TPR: variants seen among roughly 807,000 people sequenced by gnomAD.
The protein encoded by TPR is nucleoprotein TPR.
Under a neutral mutation model 316.1 loss-of-function variants are expected in TPR, and 51 were observed. The observed-to-expected ratio is 0.16, with a 90% CI of 0.13 to 0.20. TPR has a LOEUF of 0.20. Ranked by LOEUF, TPR falls within the 10% of genes least tolerant of loss-of-function variation. TPR has a pLI of 1.00. For missense variants in TPR, 2,272 were observed against 2,754.8 expected (o/e 0.82, Z 3.92); for synonymous variants, 981 against 914.7 (o/e 1.07, Z -1.31).
chr1:186,314,080 G>C, intron 50 of TPR, 54 bp from the exon 51 acceptor site: 1 of 1,524,548 alleles, frequency 6.6e-7, no homozygotes, highest in Non-Finnish European at 9.0e-7. Context: ...TTCAAAACTA[G>C]TGTATTCACT....
In TPR at chr1:186,312,453, T is replaced by A; in HGVS notation, c.*1518A>T. 1 of 1,301,144 alleles carries A rather than the reference T, an allele frequency of 7.7e-7. No homozygotes were observed. The highest frequency in any genetic ancestry group is 2.3e-4 in the Middle Eastern group (1 of 4,400). 80.6% of individuals were successfully genotyped at this position (1,301,144 alleles called of 1,614,324 possible). Reference sequence around the variant, plus strand: ...TTCTTATACAGTAAGGCTTATGAAATATGGATACTGATCAAACAGCCCTAA... The same window carrying A: ...TTCTTATACAGTAAGGCTTATGAAAAATGGATACTGATCAAACAGCCCTAA... On this transcript the variant is annotated 3_prime_UTR_variant, in exon 51 of 51. Coordinates refer to ENST00000367478, the MANE Select transcript of TPR (RefSeq NM_003292.3).
Position 186,312,119 on chromosome 1 carries a change from T to G in TPR, c.*1852A>C. On this transcript the variant is annotated 3_prime_UTR_variant, in exon 51 of 51. Coordinates refer to ENST00000367478, the MANE Select transcript of TPR (RefSeq NM_003292.3). ...ATTGTAAAAGTTGTTTTCCACCTTTTCTGAGGGTATTAAAATTAATTTTCA... is the reference window on the plus strand; with the variant it reads ...ATTGTAAAAGTTGTTTTCCACCTTTGCTGAGGGTATTAAAATTAATTTTCA... 6.6e-7 allele frequency: 1 copy of G among 1,521,526 alleles called. No individual in the cohort carries two copies. Among genetic ancestry groups the G allele is most frequent in the Non-Finnish European group, 9.1e-7 (1 of 1,099,296 alleles). 94.3% of individuals were successfully genotyped at this position (1,521,526 alleles called of 1,614,324 possible).
At chr1:186,329,988 T>C (rs533959017) in intron 39 of TPR, among the ~76,000 whole-genome samples, 2 of 152,244 alleles carry the variant, frequency 1.3e-5, no homozygotes, top group South Asian at 4.1e-4. Flanking sequence ...TGGGTATCAG[T>C]TTCTGTAACT....
In TPR at chr1:186,353,905, C is replaced by T. The variant is rs538286411; in HGVS notation, c.2172-55G>A. On this transcript the variant is annotated intron_variant, in intron 17 of 50. Transcript: ENST00000367478. Reference sequence around the variant, plus strand: ...ACTGAAATGATATCCTAGCTTAATCCCTTGAAGAAATTTCACAATAGCTTA... The same window carrying T: ...ACTGAAATGATATCCTAGCTTAATCTCTTGAAGAAATTTCACAATAGCTTA... 4.1e-5 allele frequency: 63 copies of T among 1,543,234 alleles called. No homozygotes were observed. The East Asian group carries it at 1.3e-3, about 32-fold the overall frequency.
At chr1:186,355,116 G>A (rs550815006) in intron 17 of TPR, among the ~76,000 whole-genome samples, 4 of 152,108 alleles carry the variant, frequency 2.6e-5, no homozygotes, top group Non-Finnish European at 4.4e-5. Context: ...TGGTGGCCAG[G>A]CTGGTCTTGA....
intron 36 of TPR, among the ~76,000 whole-genome samples, chr1:186,333,724 T>A (rs1658249450): frequency 6.6e-6 from 1 of 152,192 alleles, no homozygotes; most frequent in African/African-American, 2.4e-5. Flanking sequence ...TTAATTGATA[T>A]AACAGATAGT....
Position 186,322,338 on chromosome 1 carries a change from A to G in TPR, c.6441T>C (p.Asp2147=), listed in dbSNP as rs1288425680. The change falls in exon 45 of 51, where the codon GAT becomes GAC. Residue 2147 remains aspartate (D), a synonymous_variant. Coordinates refer to ENST00000367478, the MANE Select transcript of TPR (RefSeq NM_003292.3). ...TPTLVVPHRT[D]GFAEAIHSPQ... Reference sequence around the variant, plus strand: ...CTTACTGAATTGCTTCAGCAAATCCATCAGTACGATGTGGCACCACAAGAG... The same window carrying G: ...CTTACTGAATTGCTTCAGCAAATCCGTCAGTACGATGTGGCACCACAAGAG... 1 of 1,611,720 alleles carries G rather than the reference A, an allele frequency of 6.2e-7. No homozygotes were observed. The highest frequency in any genetic ancestry group is 8.5e-7 in the Non-Finnish European group (1 of 1,179,470).
Position 186,318,621 on chromosome 1 carries a change from A to C in TPR, c.6665-18T>G. On this transcript the variant is annotated intron_variant, in intron 47 of 50. Coordinates refer to ENST00000367478, the MANE Select transcript of TPR (RefSeq NM_003292.3). ...TACAGTCACTTTAAAAAGACAACAC[A>C]AGAAAAAGAACTTTAAAACTTTGTG... 2 of 1,604,278 alleles carry C rather than the reference A, an allele frequency of 1.2e-6. No homozygotes were observed. The highest frequency in any genetic ancestry group is 1.7e-6 in the Non-Finnish European group (2 of 1,177,176).
intron 17 of TPR, 65 bp downstream of exon 17, chr1:186,355,345 T>C (rs1263230534): frequency 6.6e-7 from 1 of 1,523,972 alleles, no homozygotes; most frequent in Non-Finnish European, 8.9e-7. Context: ...CTCTTGAATT[T>C]AAATGATTTG....
chr1:186,337,730 CA>C (rs1658382970), intron 31 of TPR, among the ~76,000 whole-genome samples: 1 of 151,782 alleles, frequency 6.6e-6, no homozygotes, highest in Admixed American at 6.6e-5. Context: ...TAAAACTATA[CA>C]AAACCAGATT....
At chr1:186,353,159 T>C (rs1206112472) in intron 18 of TPR, among the ~76,000 whole-genome samples, 2 of 151,986 alleles carry the variant, frequency 1.3e-5, no homozygotes, top group Admixed American at 1.3e-4. Flanking sequence ...AATCACGAGG[T>C]CAGTAGATCG....
Position 186,338,197 on chromosome 1 carries a change from T to C in TPR, c.4198A>G (p.Lys1400Glu). ...TNNQNLIQSL[K>E]EDLNKVRTEK... The stretch of plus-strand genomic sequence containing the variant: ...GTTCTTACTTTATTTAGATCTTCCT[T>C]CAGACTCTGAATTAAGTTCTGGTTG... Residue 1400 changes from lysine (K) to glutamate (E), a missense_variant, in exon 31 of 51, where the codon AAG becomes GAG. Coordinates refer to ENST00000367478, the MANE Select transcript of TPR (RefSeq NM_003292.3). 1 of 1,612,788 alleles carries C rather than the reference T, an allele frequency of 6.2e-7. No individual in the cohort carries two copies. Among genetic ancestry groups the C allele is most frequent in the Non-Finnish European group, 8.5e-7 (1 of 1,179,500 alleles).
In TPR at chr1:186,345,646, T is replaced by C. The variant is rs1658653717; in HGVS notation, c.3147A>G (p.Glu1049=). The C allele has an allele frequency of 1.2e-6, 2 of 1,613,522 alleles. No individual in the cohort carries two copies. Among genetic ancestry groups the C allele is most frequent in the Non-Finnish European group, 1.7e-6 (2 of 1,179,764 alleles). Residue 1049 remains glutamate, a synonymous_variant, in exon 24 of 51, where the codon GAA becomes GAG. Coordinates refer to ENST00000367478, the MANE Select transcript of TPR (RefSeq NM_003292.3). The stretch of plus-strand genomic sequence containing the variant: ...AAGCTGTGCTTGCTCTCTGAAGAGC[T>C]TCTTGTACTTCATTCTGAACACTAG... ...TLSSVQNEVQ[E]ALQRASTALS... is the part of the protein sequence containing the mutation.
intron 23 of TPR, 124 bp downstream of exon 23, chr1:186,346,010 TA>T: frequency 1.8e-6 from 2 of 1,098,516 alleles, no homozygotes; most frequent in Non-Finnish European, 1.3e-6. Context: ...AACATAAAAC[TA>T]AAATTTTGCC....
At chr1:186,363,154 T>C (rs758982366) in intron 5 of TPR, among the ~76,000 whole-genome samples, 153 bp from the exon 6 acceptor site, 19 of 152,094 alleles carry the variant, frequency 1.2e-4, no homozygotes, top group Non-Finnish European at 2.6e-4. Flanking sequence ...CATTAAGAAC[T>C]GTAACAAACT....
intron 39 of TPR, among the ~76,000 whole-genome samples, chr1:186,330,313 T>C (rs1658120419): frequency 6.6e-6 from 1 of 152,124 alleles, no homozygotes; most frequent in South Asian, 2.1e-4. Context: ...ATCAGACTCC[T>C]ATCTCTGATT....
intron 3 of TPR, 95 bp from the exon 4 acceptor site, chr1:186,368,077 G>A: frequency 2.8e-6 from 2 of 715,794 alleles, no homozygotes; most frequent in Non-Finnish European, 4.5e-6. Flanking sequence ...CAGCTGTAGT[G>A]TAAATGACTG....
rs765546752 is a variant in TPR at position 186,345,708 on chromosome 1, G to A, written c.3097-12C>T. Reference sequence around the variant, plus strand: ...TTCAATTCAGATAACTAAGCAGAAAGAACAAGATTAAAACCAAAATTAATT... The same window carrying A: ...TTCAATTCAGATAACTAAGCAGAAAAAACAAGATTAAAACCAAAATTAATT... On this transcript the variant is annotated splice_polypyrimidine_tract_variant and intron_variant, in intron 23 of 50. Coordinates refer to ENST00000367478, the MANE Select transcript of TPR (RefSeq NM_003292.3). The A allele has an allele frequency of 6.3e-7, 1 of 1,586,080 alleles. No homozygotes were observed. Among genetic ancestry groups the A allele is most frequent in the African/African-American group, 1.3e-5 (1 of 74,280 alleles).
intron 27 of TPR, chr1:186,341,942 T>C (rs1286194329): frequency 6.6e-6 from 1 of 152,574 alleles, no homozygotes; most frequent in African/African-American, 2.4e-5. Flanking sequence ...ACACTGTTCA[T>C]GCTTAGACAG....
Sources: allele counts gnomAD v4.1 joint callset (sites outside exome capture counted in the v4.1 genomes callset), GRCh38; gene constraint gnomAD v4.1.1; transcripts MANE v1.5; gene names NCBI Gene and HGNC (gene_info 2026-07-23, HGNC 2026-07-21).